RNGTT: variants seen among roughly 807,000 people sequenced by gnomAD.
RNGTT encodes the protein mRNA-capping enzyme.
A neutral mutation model predicts 79.3 loss-of-function variants in RNGTT; 33 were observed. The observed-to-expected ratio is 0.42, with a 90% CI of 0.32 to 0.56. The LOEUF is 0.56. RNGTT is among the 20% of genes least tolerant of loss of function. The pLI is 0.17. For synonymous variants in RNGTT, 222 were observed against 235.9 expected (o/e 0.94, Z 0.54); for missense variants, 497 against 739.1 (o/e 0.67, Z 3.80).
At chr6:88,774,452 C>T (rs529967169) in intron 12 of RNGTT, among the ~76,000 whole-genome samples, 1 of 152,214 alleles carries the variant, frequency 6.6e-6, no homozygotes, top group South Asian at 2.1e-4. Context: ...ACCACATGAC[C>T]CGGAAGGTCC....
intron 11 of RNGTT, among the ~76,000 whole-genome samples, chr6:88,836,625 C>A (rs1781089734): frequency 6.6e-6 from 1 of 151,958 alleles, no homozygotes; most frequent in South Asian, 2.1e-4. Flanking sequence ...GCTTATAGTC[C>A]CAGCTACTCA....
At chr6:88,902,829 G>T (rs1196833703) in intron 6 of RNGTT, among the ~76,000 whole-genome samples, 1 of 150,950 alleles carries the variant, frequency 6.6e-6, no homozygotes, top group Non-Finnish European at 1.5e-5. Context: ...CCGAGTAGCT[G>T]GGACTACAGG....
intron 13 of RNGTT, among the ~76,000 whole-genome samples, chr6:88,698,557 T>G (rs1445433721): frequency 1.3e-5 from 2 of 151,668 alleles, no homozygotes. Context: ...AACTTTTTAC[T>G]TAGCTGAGTA....
At position 88,802,104 on chromosome 6, in the gene RNGTT, T is replaced by C. The variant is rs1159146619; in HGVS notation, c.1270-472A>G. Among the ~76,000 whole-genome samples, 6 of 152,304 alleles carry C rather than the reference T, an allele frequency of 3.9e-5. No homozygotes were observed. The East Asian group carries it at 1.2e-3, about 29-fold the overall frequency. ...AGAAATACTTGGGGACAAGAATTTG[T>C]AACTACAAACTAGCTCAAACATGAA... is the stretch of plus-strand genomic sequence containing the variant. On this transcript the variant is annotated intron_variant, in intron 11 of 15. Coordinates refer to ENST00000369485, the MANE Select transcript of RNGTT (RefSeq NM_003800.5).
chr6:88,655,559 A>G (rs79447126), intron 14 of RNGTT, among the ~76,000 whole-genome samples: 3,125 of 152,274 alleles, frequency 0.021, 120 homozygotes, highest in African/African-American at 0.07. Context: ...ACAGAACCAG[A>G]CTGAGGCAGG....
rs185962503 is a variant in RNGTT at position 88,656,390 on chromosome 6, T to C, written c.1506+21963A>G. 1.9e-3 allele frequency among the ~76,000 whole-genome samples: 290 copies of C among 152,342 alleles called. 4 individuals are homozygous for C. Among genetic ancestry groups the C allele is most frequent in the African/African-American group, 6.8e-3 (284 of 41,574 alleles). On this transcript the variant is annotated intron_variant, in intron 14 of 15. Transcript: ENST00000369485. Reference sequence around the variant, plus strand: ...TCATTATAAAATGATTGGTGTTTTATGTAGCTTATATTTTAGGATAAACAA... The same window carrying C: ...TCATTATAAAATGATTGGTGTTTTACGTAGCTTATATTTTAGGATAAACAA...
chr6:88,650,396 T>C (rs1773752610), intron 14 of RNGTT, among the ~76,000 whole-genome samples: 2 of 152,188 alleles, frequency 1.3e-5, no homozygotes, highest in Non-Finnish European at 2.9e-5. Context: ...CTTAAAAACA[T>C]CTGTTCCTTC....
At chr6:88,849,672 C>G (rs911133153) in intron 10 of RNGTT, 83 bp downstream of exon 10, 1 of 1,296,494 alleles carries the variant, frequency 7.7e-7, no homozygotes, top group Non-Finnish European at 1.0e-6. Flanking sequence ...CCTACTATCT[C>G]TAAGGCAGCA....
chr6:88,756,582 C>G (rs1233201033), intron 13 of RNGTT, among the ~76,000 whole-genome samples: 1 of 152,206 alleles, frequency 6.6e-6, no homozygotes, highest in East Asian at 1.9e-4. Flanking sequence ...AAATAAGAGG[C>G]TACAGACTGA....
chr6:88,634,287 A>C (rs1773013440), intron 14 of RNGTT, among the ~76,000 whole-genome samples: 1 of 152,172 alleles, frequency 6.6e-6, no homozygotes, highest in Non-Finnish European at 1.5e-5. Flanking sequence ...GGATGGATTT[A>C]AAGTAAGTTT....
intron 6 of RNGTT, among the ~76,000 whole-genome samples, chr6:88,903,157 A>G (rs1380287340): frequency 6.6e-6 from 1 of 152,244 alleles, no homozygotes; most frequent in Non-Finnish European, 1.5e-5. Context: ...TAATCTTTAC[A>G]TGAAATGTAC....
intron 8 of RNGTT, among the ~76,000 whole-genome samples, chr6:88,874,636 TAAG>T (rs1782459277): frequency 6.6e-6 from 1 of 151,854 alleles, no homozygotes; most frequent in South Asian, 2.1e-4. Flanking sequence ...AATAATGAGT[TAAG>T]AAAGTATCAC....
intron 13 of RNGTT, among the ~76,000 whole-genome samples, chr6:88,739,776 T>TATAC: frequency 1.0e-5 from 1 of 97,464 alleles, no homozygotes; most frequent in South Asian, 3.4e-4. Flanking sequence ...TATATATATA[T>TATAC]ATGTTAACAC....
intron 1 of RNGTT, among the ~76,000 whole-genome samples, chr6:88,962,349 C>T (rs2127968886): frequency 6.6e-6 from 1 of 152,178 alleles, no homozygotes; most frequent in African/African-American, 2.4e-5. Context: ...AACAAAAACC[C>T]GGCCAAGCGG....
chr6:88,930,949 G>A (rs1784496541), intron 2 of RNGTT, among the ~76,000 whole-genome samples: 2 of 152,080 alleles, frequency 1.3e-5, no homozygotes, highest in South Asian at 4.1e-4. Context: ...AAGTAAAGTA[G>A]TAAGAAGATT....
rs563380064 is a variant in RNGTT, at chr6:88,939,666, G to T, written c.174+1405C>A. 4.6e-5 allele frequency among the ~76,000 whole-genome samples: 7 copies of T among 152,088 alleles called. No homozygotes were observed. In the East Asian group the frequency reaches 9.7e-4, roughly 21 times the overall value. On this transcript the variant is annotated intron_variant, in intron 2 of 15. Coordinates refer to ENST00000369485, the MANE Select transcript of RNGTT (RefSeq NM_003800.5). ...GATTATGAATTTTTTATCTGCTGCT[G>T]AAGGATTATTGTGTTCCTTTGGAGA...
chr6:88,949,986 G>C (rs963800054), intron 1 of RNGTT, among the ~76,000 whole-genome samples: 6 of 152,184 alleles, frequency 3.9e-5, no homozygotes, highest in African/African-American at 1.4e-4. Flanking sequence ...TCAAAGGACA[G>C]GCTGACTTTC....
At chr6:88,959,064 T>A (rs908784382) in intron 1 of RNGTT, among the ~76,000 whole-genome samples, 1 of 152,212 alleles carries the variant, frequency 6.6e-6, no homozygotes, top group Non-Finnish European at 1.5e-5. Context: ...CATGGCAACC[T>A]AGATGGAGTT....
At chr6:88,700,445 T>C (rs1775907936) in intron 13 of RNGTT, among the ~76,000 whole-genome samples, 1 of 152,172 alleles carries the variant, frequency 6.6e-6, no homozygotes, top group Admixed American at 6.5e-5. Context: ...CCTCCAATTA[T>C]TAGATACCGT....
Sources: gnomAD v4.1 joint callset for allele counts (sites outside exome capture counted in the v4.1 genomes callset) on GRCh38, gnomAD v4.1.1 for gene constraint, MANE v1.5 for transcripts, NCBI Gene and HGNC (gene_info 2026-07-23, HGNC 2026-07-21) for gene names.